Variants in CSMD2 observed in about 807,000 individuals in gnomAD.
CSMD2 encodes the protein CUB and sushi domain-containing protein 2.
In CSMD2, 130 loss-of-function variants were observed where a neutral mutation model predicts 398.5. The ratio of observed to expected loss-of-function variants is 0.33; its 90% confidence interval spans 0.28 to 0.38. The LOEUF is 0.38. Ranked by LOEUF, CSMD2 falls within the 10% of genes least tolerant of loss-of-function variation. CSMD2 has a pLI of 1.00. For missense variants in CSMD2, 3,829 were observed against 4,764.9 expected (o/e 0.80, Z 5.78); for synonymous variants, 1,828 against 1,908.5 (o/e 0.96, Z 1.10).
chr1:33,820,511 G>A lies in CSMD2; in HGVS notation c.1157C>T (p.Pro386Leu). The change falls in exon 8 of 71, where the codon CCT (proline) becomes CTT (leucine). Residue 386 changes from proline (P) to leucine (L), a missense_variant. Around this residue, in one of 5 missense-constraint regions of CSMD2, gnomAD observed 2,001 missense variants for 2,567.1 expected, o/e 0.78. Transcript: ENST00000373381. The stretch of plus-strand genomic sequence containing the variant: ...TCTTTTGCCCCTTTCGGGTATGCCA[G>A]GGTCTGGACACATATTATGTCCTTG... ...VSQGHNMCPD[P>L]GIPERGKRLG... 6.2e-7 allele frequency: 1 copy of A among 1,607,792 alleles called. No individual in the cohort carries two copies. Among genetic ancestry groups the A allele is most frequent in the Non-Finnish European group, 8.5e-7 (1 of 1,177,726 alleles).
chr1:33,522,664 C>G (rs972655251), intron 67 of CSMD2, among the ~76,000 whole-genome samples: 1 of 152,184 alleles, frequency 6.6e-6, no homozygotes, highest in African/African-American at 2.4e-5. Context: ...CATGACCTCT[C>G]GCTTCATTCT....
intron 25 of CSMD2, among the ~76,000 whole-genome samples, chr1:33,669,482 G>A (rs188591288): frequency 3.3e-5 from 5 of 152,226 alleles, no homozygotes; most frequent in East Asian, 1.9e-4. Context: ...TCAGACTTCC[G>A]AGGGGACACA....
At chr1:33,774,171 G>GGGTC (rs1402345776) in intron 12 of CSMD2, among the ~76,000 whole-genome samples, 6 of 151,454 alleles carry the variant, frequency 4.0e-5, no homozygotes, top group Admixed American at 3.3e-4. Context: ...TGAACAACAA[G>GGGTC]GGTCCTCCCC....
At chr1:33,659,447 G>C (rs1644057144) in intron 26 of CSMD2, among the ~76,000 whole-genome samples, 1 of 152,176 alleles carries the variant, frequency 6.6e-6, no homozygotes. Context: ...AGGGCAAGGA[G>C]GTTCTTGAAA....
intron 12 of CSMD2, among the ~76,000 whole-genome samples, chr1:33,777,904 C>A (rs1416075801): frequency 6.6e-6 from 1 of 152,134 alleles, no homozygotes; most frequent in African/African-American, 2.4e-5. Context: ...GGGACTGTAT[C>A]ATGTGGTTCT....
rs527456178 is a variant in CSMD2 at position 34,092,184 on chromosome 1, G to T, written c.188-2991C>A. Among the ~76,000 whole-genome samples the T allele has an allele frequency of 1.8e-4, 27 of 152,266 alleles. 1 individual carries two copies. The South Asian group carries it at 5.4e-3, about 30-fold the overall frequency. Reference sequence around the variant, plus strand: ...AAGTGTGCAGGCACGATATGAAAATGACTTTTACAGAGGGATAAAAAATTT... The same window carrying T: ...AAGTGTGCAGGCACGATATGAAAATTACTTTTACAGAGGGATAAAAAATTT... On this transcript the variant is annotated intron_variant, in intron 1 of 70. Coordinates refer to ENST00000373381, the MANE Select transcript of CSMD2 (RefSeq NM_001281956.2).
intron 19 of CSMD2, among the ~76,000 whole-genome samples, chr1:33,718,503 G>A (rs532026047): frequency 6.6e-6 from 1 of 152,302 alleles, no homozygotes; most frequent in African/African-American, 2.4e-5. Flanking sequence ...ATGTGTTGTG[G>A]ATGGTGCCAG....
intron 28 of CSMD2, among the ~76,000 whole-genome samples, chr1:33,651,925 G>A (rs181700701): frequency 3.3e-5 from 5 of 151,320 alleles, no homozygotes; most frequent in Non-Finnish European, 3.0e-5. Context: ...GAGCTAGATT[G>A]GGGGGGGTGC....
chr1:33,861,802 C>T lies in CSMD2; in HGVS notation c.921-14806G>A, dbSNP rs575745245. ...ATAAAGAAAGGGGGCAATGCCTGTA[C>T]TGGAAGGAGAGAGTCATTTAGAGAG... is the stretch of plus-strand genomic sequence containing the variant. On this transcript the variant is annotated intron_variant, in intron 5 of 70. Coordinates refer to ENST00000373381, the MANE Select transcript of CSMD2 (RefSeq NM_001281956.2). Among the ~76,000 whole-genome samples, 84 of 152,274 alleles carry T rather than the reference C, an allele frequency of 5.5e-4. 1 individual carries two copies. The South Asian group carries it at 9.3e-3, about 17-fold the overall frequency.
intron 4 of CSMD2, among the ~76,000 whole-genome samples, chr1:33,929,848 C>T (rs1470017067): frequency 1.3e-5 from 2 of 152,076 alleles, no homozygotes; most frequent in Non-Finnish European, 2.9e-5. Flanking sequence ...CCAGGAATGC[C>T]GTTTTCCAGG....
intron 25 of CSMD2, among the ~76,000 whole-genome samples, chr1:33,677,384 A>C (rs1644753527): frequency 6.6e-6 from 1 of 152,252 alleles, no homozygotes; most frequent in Non-Finnish European, 1.5e-5. Context: ...TGGCCATCAG[A>C]GAAATGCAAA....
intron 2 of CSMD2, among the ~76,000 whole-genome samples, chr1:34,043,723 TTCCC>T (rs1021626295): frequency 9.9e-5 from 15 of 152,130 alleles, no homozygotes; most frequent in African/African-American, 3.4e-4. Flanking sequence ...TTCAGGAGGG[TTCCC>T]TCCATTTCCA....
At chr1:34,131,878 A>T (rs2148500009) in intron 1 of CSMD2, among the ~76,000 whole-genome samples, 1 of 152,226 alleles carries the variant, frequency 6.6e-6, no homozygotes, top group Non-Finnish European at 1.5e-5. Context: ...AAGGGTCAGG[A>T]TCCCCTGAAA....
intron 3 of CSMD2, among the ~76,000 whole-genome samples, chr1:33,970,062 C>T (rs571178496): frequency 3.1e-4 from 47 of 150,632 alleles, no homozygotes; most frequent in African/African-American, 8.5e-4. Context: ...GCCGAGATCA[C>T]GCCATTGCAC....
At chr1:33,756,085 C>T (rs1053629479) in intron 13 of CSMD2, among the ~76,000 whole-genome samples, 4 of 152,106 alleles carry the variant, frequency 2.6e-5, no homozygotes, top group Non-Finnish European at 4.4e-5. Flanking sequence ...TAGCTCTGAC[C>T]GTCCCTTGGC....
intron 4 of CSMD2, among the ~76,000 whole-genome samples, chr1:33,933,329 G>C (rs111815650): frequency 0.012 from 1,827 of 152,262 alleles, 34 homozygotes; most frequent in African/African-American, 0.042. Context: ...GATATTAGGA[G>C]GGTTAGTGGA....
intron 5 of CSMD2, among the ~76,000 whole-genome samples, chr1:33,889,078 C>T (rs12031117): frequency 0.34 from 51,822 of 152,000 alleles, 10,498 homozygotes; most frequent in East Asian, 0.58. Flanking sequence ...CCAAGATCAA[C>T]TGATTTCAAC....
chr1:33,751,495 G>A (rs1402715065), intron 13 of CSMD2, among the ~76,000 whole-genome samples: 1 of 152,194 alleles, frequency 6.6e-6, no homozygotes, highest in Non-Finnish European at 1.5e-5. Context: ...GAATGGAGTG[G>A]GGTAACAGGG....
intron 3 of CSMD2, among the ~76,000 whole-genome samples, chr1:33,953,264 A>G (rs1645064063): frequency 6.6e-6 from 1 of 152,186 alleles, no homozygotes. Flanking sequence ...TTCCAGGTGG[A>G]GTAGAGCTCC....
Sources: gnomAD v4.1 joint callset for allele counts (sites outside exome capture counted in the v4.1 genomes callset) on GRCh38, gnomAD v4.1.1 for gene constraint, gnomAD v4.1.1 regional missense constraint, MANE v1.5 for transcripts, NCBI Gene and HGNC (gene_info 2026-07-23, HGNC 2026-07-21) for gene names.